The following ERC2 variants were observed in gnomAD, a reference collection of about 807,000 sequenced individuals.
ERC2 encodes ELKS/RAB6-interacting/CAST family member 2, also known as ERC protein 2.
ERC2 carries 42 observed loss-of-function variants against 114.8 expected under a neutral mutation model. The observed-to-expected ratio is 0.37, with a 90% CI of 0.29 to 0.47. The LOEUF (loss-of-function observed/expected upper bound fraction) is 0.47, where lower values mean the gene tolerates loss of function less well. Among genes scored for constraint, ERC2 ranks in the 20% least tolerant of loss-of-function variants. The pLI, the probability that ERC2 is intolerant of heterozygous loss-of-function variation, is 0.99. For missense variants in ERC2, 939 were observed against 1,150.7 expected, an observed-to-expected ratio of 0.82 and a Z score of 2.66; for synonymous variants, 454 against 425.5, an observed-to-expected ratio of 1.07 and a Z score of -0.82.
intron 3 of ERC2, among the ~76,000 whole-genome samples, chr3:56,263,911 A>C (rs1251624228): frequency 6.6e-6 from 1 of 152,128 alleles, no homozygotes; most frequent in Non-Finnish European, 1.5e-5. Flanking sequence ...CCTCAATAAA[A>C]CATGAGCATC....
intron 4 of ERC2, among the ~76,000 whole-genome samples, chr3:56,163,547 G>A (rs1225493650): frequency 6.6e-6 from 1 of 152,102 alleles, no homozygotes; most frequent in Non-Finnish European, 1.5e-5. Flanking sequence ...GACTCTGAGT[G>A]CTCCAGTGTT....
intron 2 of ERC2, among the ~76,000 whole-genome samples, chr3:56,426,060 G>A (rs1377666350): frequency 6.6e-6 from 1 of 152,180 alleles, no homozygotes; most frequent in Non-Finnish European, 1.5e-5. Context: ...GAGAACTGCT[G>A]GTGATATTTG....
intron 2 of ERC2, among the ~76,000 whole-genome samples, chr3:56,430,488 A>AGAAAACACATCATGAGGC (rs2107327178): frequency 6.6e-6 from 1 of 152,332 alleles, no homozygotes; most frequent in Admixed American, 6.5e-5. Context: ...CTCCATTTTA[A>AGAAAACACATCATGAGGC]GAAAACACAT....
intron 14 of ERC2, among the ~76,000 whole-genome samples, chr3:55,785,487 T>C (rs1198314377): frequency 6.6e-6 from 1 of 152,178 alleles, no homozygotes; most frequent in African/African-American, 2.4e-5. Context: ...GTTATCATGG[T>C]CCTTACTATG....
In ERC2 at chr3:55,888,512, T is replaced by A; in HGVS notation, c.2441A>T (p.Gln814Leu). 3 of 1,613,914 alleles carry A rather than the reference T, an allele frequency of 1.9e-6. No individual in the cohort carries two copies. The highest frequency in any genetic ancestry group is 1.7e-6 in the Non-Finnish European group (2 of 1,179,848). ...ELMNALEKTR[Q>L]ELDATKARLA... The stretch of plus-strand genomic sequence containing the variant: ...GCGTGCTTTGGTGGCATCCAGTTCC[T>A]GTCTGGTCTTCTCCAGTGCATTCAT... The change falls in exon 14 of 18, where the codon CAG (glutamine) becomes CTG (leucine). Residue 814 changes from glutamine to leucine, a missense_variant. Around this residue, in one of 5 missense-constraint regions of ERC2, gnomAD observed 328 missense variants for 353.9 expected, o/e 0.93. Coordinates refer to ENST00000288221, the MANE Select transcript of ERC2 (RefSeq NM_015576.3).
intron 7 of ERC2, among the ~76,000 whole-genome samples, chr3:56,052,963 A>G (rs1437633538): frequency 6.6e-6 from 1 of 152,138 alleles, no homozygotes; most frequent in African/African-American, 2.4e-5. Context: ...GACAGTGTGA[A>G]GAAAGGTAGT....
chr3:56,071,116 A>G (rs2076717310), intron 7 of ERC2, among the ~76,000 whole-genome samples: 1 of 152,178 alleles, frequency 6.6e-6, no homozygotes, highest in African/African-American at 2.4e-5. Flanking sequence ...AGAAATTACA[A>G]CTTCTTCAAT....
At chr3:56,370,671 T>G (rs1297694264) in intron 2 of ERC2, among the ~76,000 whole-genome samples, 1 of 148,802 alleles carries the variant, frequency 6.7e-6, no homozygotes, top group Non-Finnish European at 1.5e-5. Context: ...CTTGGCTCAC[T>G]GCAACCTCCG....
chr3:55,728,569 T>C (rs61100030), intron 15 of ERC2, among the ~76,000 whole-genome samples: 3,138 of 152,242 alleles, frequency 0.021, 77 homozygotes, highest in African/African-American at 0.055. Flanking sequence ...TAGAGGAGCC[T>C]GGGAAGGGTT....
At chr3:55,845,182 C>T (rs758643646) in intron 14 of ERC2, among the ~76,000 whole-genome samples, 11 of 152,122 alleles carry the variant, frequency 7.2e-5, no homozygotes, top group Non-Finnish European at 1.3e-4. Flanking sequence ...TGATCCAGCC[C>T]AGGGCTTGGG....
At chr3:55,787,880 T>C (rs1177451966) in intron 14 of ERC2, among the ~76,000 whole-genome samples, 1 of 152,188 alleles carries the variant, frequency 6.6e-6, no homozygotes, top group Non-Finnish European at 1.5e-5. Flanking sequence ...TGGGACCTAT[T>C]AGTCCCTAAT....
intron 10 of ERC2, among the ~76,000 whole-genome samples, chr3:55,997,435 A>G (rs1021648447): frequency 2.6e-5 from 4 of 150,972 alleles, no homozygotes; most frequent in African/African-American, 9.7e-5. Flanking sequence ...CAATCTTCTC[A>G]TAATTCTAAG....
chr3:56,049,276 C>T (rs2075641696), intron 7 of ERC2, among the ~76,000 whole-genome samples: 1 of 152,154 alleles, frequency 6.6e-6, no homozygotes, highest in Non-Finnish European at 1.5e-5. Flanking sequence ...TAGGAAGCCC[C>T]CACAGCCAAG....
At position 55,943,893 on chromosome 3, in the gene ERC2, T is replaced by G. The variant is rs73831812; in HGVS notation, c.2403+6532A>C. ...AGACTCTACAAGCCCAGCCCTCCTC[T>G]CTCTCTAGAACTGAGCATAGCATTT... On this transcript the variant is annotated intron_variant, in intron 13 of 17. Transcript: ENST00000288221. 7.6e-3 allele frequency among the ~76,000 whole-genome samples: 1,150 copies of G among 152,204 alleles called. 8 individuals are homozygous for G. Among genetic ancestry groups the G allele is most frequent in the Middle Eastern group, 0.031 (9 of 294 alleles).
chr3:56,399,314 T>G (rs1370763534), intron 2 of ERC2, among the ~76,000 whole-genome samples: 1 of 152,184 alleles, frequency 6.6e-6, no homozygotes, highest in Non-Finnish European at 1.5e-5. Context: ...AGTAGGCAAG[T>G]CCTTCCAGAG....
chr3:55,828,865 G>A (rs1436011337), intron 14 of ERC2, among the ~76,000 whole-genome samples: 1 of 152,194 alleles, frequency 6.6e-6, no homozygotes, highest in African/African-American at 2.4e-5. Flanking sequence ...CAGGCCTGGT[G>A]AGGTGGCTCA....
At chr3:55,726,701 C>T (rs1471769385) in intron 15 of ERC2, among the ~76,000 whole-genome samples, 1 of 152,188 alleles carries the variant, frequency 6.6e-6, no homozygotes, top group Non-Finnish European at 1.5e-5. Context: ...TTACATGCAA[C>T]TTGTTATGGC....
At chr3:56,240,762 G>A (rs7645684) in intron 3 of ERC2, among the ~76,000 whole-genome samples, 44,832 of 152,042 alleles carry the variant, frequency 0.29, 7,715 homozygotes, top group East Asian at 0.63. Context: ...TGTGTAAAAC[G>A]ACCACTTAGC....
intron 14 of ERC2, among the ~76,000 whole-genome samples, chr3:55,832,187 A>C (rs989952904): frequency 1.5e-4 from 23 of 152,354 alleles, no homozygotes; most frequent in African/African-American, 5.5e-4. Context: ...GGGCACGGAC[A>C]AACAAAAAGA....
Sources: gnomAD v4.1 joint callset for allele counts (sites outside exome capture counted in the v4.1 genomes callset) on GRCh38, gnomAD v4.1.1 for gene constraint, gnomAD v4.1.1 regional missense constraint, MANE v1.5 for transcripts, NCBI Gene and HGNC (gene_info 2026-07-23, HGNC 2026-07-21) for gene names.